LGR4: variants seen among roughly 807,000 people sequenced by gnomAD.
The protein encoded by LGR4 is leucine rich repeat containing G protein-coupled receptor 4.
LGR4 carries 44 observed loss-of-function variants against 84.8 expected under a neutral mutation model. That is an observed-to-expected ratio of 0.52 (90% confidence interval 0.41 to 0.67). LGR4 has a LOEUF of 0.67. Ranked by LOEUF, LGR4 falls within the 30% of genes least tolerant of loss-of-function variation. LGR4 has a pLI of 0.00. For missense variants in LGR4, 1,032 were observed against 1,131.4 expected (o/e 0.91, Z 1.26); for synonymous variants, 429 against 434.3 (o/e 0.99, Z 0.15).
intron 17 of LGR4, among the ~76,000 whole-genome samples, chr11:27,369,985 G>C (rs921038637): frequency 6.6e-6 from 1 of 152,148 alleles, no homozygotes; most frequent in Non-Finnish European, 1.5e-5. Flanking sequence ...AACTAGCATT[G>C]CAAGAACTCA....
In LGR4 at chr11:27,380,635, C is replaced by G. The variant is rs766639386; in HGVS notation, c.902+5G>C. The G allele has an allele frequency of 6.5e-7, 1 of 1,545,478 alleles. No individual in the cohort carries two copies. The highest frequency in any genetic ancestry group is 2.3e-5 in the East Asian group (1 of 44,190). The stretch of plus-strand genomic sequence containing the variant: ...CCAGGTTTGTTTTTAAATTCACATA[C>G]TTACAGGGAATGAAGATCAGATAAA... On this transcript the variant is annotated splice_donor_5th_base_variant and intron_variant, in intron 9 of 17. Coordinates refer to ENST00000379214, the MANE Select transcript of LGR4 (RefSeq NM_018490.5).
intron 2 of LGR4, among the ~76,000 whole-genome samples, chr11:27,407,123 T>C (rs1343255051): frequency 2.0e-5 from 3 of 152,162 alleles, no homozygotes; most frequent in Admixed American, 6.6e-5. Flanking sequence ...TTATCTACTA[T>C]TGGGTCTTGA....
At chr11:27,465,888 T>C (rs1864767893) in intron 1 of LGR4, among the ~76,000 whole-genome samples, 1 of 152,182 alleles carries the variant, frequency 6.6e-6, no homozygotes, top group African/African-American at 2.4e-5. Flanking sequence ...CTGACAGGAT[T>C]TACAATTACA....
intron 1 of LGR4, among the ~76,000 whole-genome samples, chr11:27,449,536 C>T (rs1864447194): frequency 6.6e-6 from 1 of 151,618 alleles, no homozygotes; most frequent in Non-Finnish European, 1.5e-5. Context: ...GACCCATGAT[C>T]ACGCCATTGC....
At chr11:27,409,714 G>A (rs1863674943) in intron 2 of LGR4, among the ~76,000 whole-genome samples, 1 of 152,012 alleles carries the variant, frequency 6.6e-6, no homozygotes, top group Admixed American at 6.6e-5. Context: ...ACAACTTTAT[G>A]CGTCCTAAAA....
At chr11:27,439,266 T>A (rs576351284) in intron 1 of LGR4, among the ~76,000 whole-genome samples, 1 of 152,150 alleles carries the variant, frequency 6.6e-6, no homozygotes, top group Non-Finnish European at 1.5e-5. Context: ...CTACTTTCTG[T>A]CTCTATGAAT....
At chr11:27,377,660 T>C (rs1238316267) in intron 11 of LGR4, among the ~76,000 whole-genome samples, 1 of 152,158 alleles carries the variant, frequency 6.6e-6, no homozygotes. Context: ...TATGTTCTTT[T>C]GTTGAAAAGC....
chr11:27,468,282 T>C (rs945506299), intron 1 of LGR4, among the ~76,000 whole-genome samples: 37 of 152,232 alleles, frequency 2.4e-4, no homozygotes, highest in African/African-American at 7.7e-4. Flanking sequence ...ACTAATTATA[T>C]GGAAGTGAGG....
intron 2 of LGR4, among the ~76,000 whole-genome samples, chr11:27,392,925 A>G (rs1271993543): frequency 6.6e-6 from 1 of 152,200 alleles, no homozygotes; most frequent in Non-Finnish European, 1.5e-5. Flanking sequence ...TCAAGGAAGA[A>G]TGCTTTTGGG....
chr11:27,412,288 C>G (rs1863726380), intron 2 of LGR4, among the ~76,000 whole-genome samples: 1 of 152,150 alleles, frequency 6.6e-6, no homozygotes, highest in African/African-American at 2.4e-5. Context: ...GAGACCTAGA[C>G]AGTGTTTCAT....
At chr11:27,448,295 CTT>C (rs67906701) in intron 1 of LGR4, among the ~76,000 whole-genome samples, 5 of 142,628 alleles carry the variant, frequency 3.5e-5, no homozygotes, top group Admixed American at 7.0e-5. Context: ...TTTTTCTTTT[CTT>C]TTTTTTTTTT....
Position 27,380,725 on chromosome 11 carries a change from C to A in LGR4, c.831-14G>T. 1 of 1,565,844 alleles carries A rather than the reference C, an allele frequency of 6.4e-7. No individual in the cohort carries two copies. The highest frequency in any genetic ancestry group is 8.8e-7 in the Non-Finnish European group (1 of 1,140,384). On this transcript the variant is annotated splice_polypyrimidine_tract_variant and intron_variant, in intron 8 of 17. Transcript: ENST00000379214. ...TCATACAAATGTCTGTGAAAATATCCAAAAAAAGTAAAATTTTCATATGTT... is the reference window on the plus strand; with the variant it reads ...TCATACAAATGTCTGTGAAAATATCAAAAAAAAGTAAAATTTTCATATGTT...
At chr11:27,437,660 A>AGTGTGTGTGT (rs10659033) in intron 1 of LGR4, among the ~76,000 whole-genome samples, 22,450 of 139,806 alleles carry the variant, frequency 0.16, 1,979 homozygotes, top group Non-Finnish European at 0.19. Context: ...TTAAAGGACT[A>AGTGTGTGTGT]GTGTGTGTGT....
intron 1 of LGR4, among the ~76,000 whole-genome samples, chr11:27,446,774 T>C (rs1425222391): frequency 2.0e-5 from 3 of 152,082 alleles, no homozygotes; most frequent in Non-Finnish European, 4.4e-5. Context: ...AGCAAAGACT[T>C]GGAACCAACC....
At chr11:27,387,641 A>T (rs2199665) in intron 4 of LGR4, among the ~76,000 whole-genome samples, 142,791 of 152,170 alleles carry the variant, frequency 0.94, 67,060 homozygotes, top group East Asian at 1. Context: ...CCAGGGACAC[A>T]CATGTGGCAG....
In LGR4 at chr11:27,368,249, G is replaced by A. The variant is rs1301051782; in HGVS notation, c.2474C>T (p.Ser825Leu). ...LKRRVTKKSG[S>L]VSVSISSQGG... ...TTGGCTACTGATGGAAACTGAAACT[G>A]ATCCACTTTTCTTGGTAACACGTCG... Residue 825 changes from serine to leucine, a missense_variant, in exon 18 of 18, where the codon TCA becomes TTA. By Grantham distance (145) the Ser-to-Leu change is moderately radical. Transcript: ENST00000379214. 6.2e-7 allele frequency: 1 copy of A among 1,614,206 alleles called. No individual in the cohort carries two copies. The highest frequency in any genetic ancestry group is 1.7e-5 in the Admixed American group (1 of 60,022).
chr11:27,372,142 G>C (rs538435942), intron 16 of LGR4, 141 bp downstream of exon 16: 2 of 657,302 alleles, frequency 3.0e-6, no homozygotes, highest in African/African-American at 3.6e-5. Flanking sequence ...TGAGATTACA[G>C]GCATGAGCCA....
chr11:27,465,020 A>T (rs1330602387), intron 1 of LGR4, among the ~76,000 whole-genome samples: 1 of 152,254 alleles, frequency 6.6e-6, no homozygotes, highest in African/African-American at 2.4e-5. Flanking sequence ...TAAGGAATAA[A>T]GAACCACTAA....
intron 1 of LGR4, 27 bp downstream of exon 1, chr11:27,472,091 C>CA: frequency 2.3e-6 from 3 of 1,291,024 alleles, no homozygotes; most frequent in South Asian, 4.4e-5. Flanking sequence ...CCTCCCCCCC[C>CA]CTCGCGTCCC....
Sources: allele counts gnomAD v4.1 joint callset (sites outside exome capture counted in the v4.1 genomes callset), GRCh38; gene constraint gnomAD v4.1.1; transcripts MANE v1.5; gene names NCBI Gene and HGNC (gene_info 2026-07-23, HGNC 2026-07-21).